The following WWOX variants were observed in gnomAD, a reference collection of about 807,000 sequenced individuals.
WWOX encodes the protein WW domain-containing oxidoreductase.
A neutral mutation model predicts 46.2 loss-of-function variants in WWOX; 69 were observed. The observed-to-expected ratio is 1.49, with a 90% CI of 1.23 to 1.82. The LOEUF (loss-of-function observed/expected upper bound fraction) is 1.82, where lower values mean the gene tolerates loss of function less well. WWOX is among the 40% of genes most tolerant of loss of function. The probability of loss-of-function intolerance (pLI) is 0.00; values close to 1 mark genes in which losing one functional copy is unlikely to be tolerated. For missense variants in WWOX, 919 were observed against 542.6 expected, an observed-to-expected ratio of 1.69 and a Z score of -6.89; for synonymous variants, 359 against 202.6, an observed-to-expected ratio of 1.77 and a Z score of -6.56.
intron 8 of WWOX, among the ~76,000 whole-genome samples, chr16:78,987,458 C>A (rs578152796): frequency 1.3e-5 from 2 of 152,158 alleles, no homozygotes; most frequent in African/African-American, 4.8e-5. Context: ...TTTTTTCTAG[C>A]AACTCTCGAG....
At chr16:78,821,552 C>T (rs543033244) in intron 8 of WWOX, among the ~76,000 whole-genome samples, 1 of 152,296 alleles carries the variant, frequency 6.6e-6, no homozygotes, top group South Asian at 2.1e-4. Flanking sequence ...CACCCATTCC[C>T]AACAGTGTCC....
At chr16:78,761,679 C>A (rs1359487808) in intron 8 of WWOX, among the ~76,000 whole-genome samples, 1 of 152,140 alleles carries the variant, frequency 6.6e-6, no homozygotes, top group Non-Finnish European at 1.5e-5. Context: ...ACAAGAAACA[C>A]TTAATACCTC....
intron 8 of WWOX, among the ~76,000 whole-genome samples, chr16:78,533,496 G>A (rs1000735528): frequency 6.6e-6 from 1 of 152,038 alleles, no homozygotes; most frequent in African/African-American, 2.4e-5. Flanking sequence ...AAGTTGTCCT[G>A]GGCCGCATGT....
intron 8 of WWOX, among the ~76,000 whole-genome samples, chr16:79,112,705 G>C (rs1362760222): frequency 3.3e-5 from 5 of 152,126 alleles, no homozygotes; most frequent in Non-Finnish European, 7.3e-5. Context: ...TTTATTCATA[G>C]TCGTAAAGTT....
intron 8 of WWOX, among the ~76,000 whole-genome samples, chr16:78,840,403 C>T (rs1391585445): frequency 6.6e-6 from 1 of 152,112 alleles, no homozygotes. Context: ...TTCAGTAGGC[C>T]CACAGTCAAT....
intron 4 of WWOX, among the ~76,000 whole-genome samples, chr16:78,117,385 C>G (rs1056868098): frequency 3.1e-4 from 47 of 152,046 alleles, no homozygotes; most frequent in Admixed American, 2.8e-3. Flanking sequence ...TCACCCCATT[C>G]CCCTCCACTC....
At chr16:78,481,538 C>T (rs973046899) in intron 8 of WWOX, among the ~76,000 whole-genome samples, 3 of 151,836 alleles carry the variant, frequency 2.0e-5, no homozygotes, top group South Asian at 2.1e-4. Flanking sequence ...AGTCATCCCT[C>T]ACCTCCCACC....
chr16:78,313,941 T>C (rs1420193357), intron 5 of WWOX, among the ~76,000 whole-genome samples: 1 of 152,148 alleles, frequency 6.6e-6, no homozygotes, highest in Non-Finnish European at 1.5e-5. Context: ...TTCCCTTATA[T>C]CCGTGCTGAC....
chr16:78,637,674 T>A (rs910943440), intron 8 of WWOX, among the ~76,000 whole-genome samples: 15 of 152,190 alleles, frequency 9.9e-5, no homozygotes, highest in Non-Finnish European at 1.6e-4. Flanking sequence ...TGCTCCTTGA[T>A]GAAGGGCTCA....
At chr16:78,533,431 A>T (rs8048195) in intron 8 of WWOX, among the ~76,000 whole-genome samples, 2 of 151,720 alleles carry the variant, frequency 1.3e-5, no homozygotes, top group African/African-American at 4.9e-5. Context: ...AAAAATCCCC[A>T]AAAAATCTCA....
chr16:78,998,173 G>T (rs1047001251), intron 8 of WWOX, among the ~76,000 whole-genome samples: 2 of 152,152 alleles, frequency 1.3e-5, no homozygotes, highest in African/African-American at 4.8e-5. Context: ...CATCGCGCCC[G>T]GCCTAGCCTC....
intron 5 of WWOX, among the ~76,000 whole-genome samples, chr16:78,381,459 C>G (rs762627907): frequency 2.0e-5 from 3 of 152,128 alleles, no homozygotes; most frequent in Non-Finnish European, 4.4e-5. Flanking sequence ...CTGGCTGAGC[C>G]CTGGATGTTG....
chr16:78,876,594 T>A (rs78319474), intron 8 of WWOX, among the ~76,000 whole-genome samples: 2 of 152,284 alleles, frequency 1.3e-5, no homozygotes, highest in East Asian at 3.9e-4. Flanking sequence ...GCTTTCGACT[T>A]ATTTTGCTTT....
intron 8 of WWOX, among the ~76,000 whole-genome samples, chr16:78,650,789 C>G (rs1318158709): frequency 1.3e-5 from 2 of 152,160 alleles, no homozygotes; most frequent in African/African-American, 2.4e-5. Context: ...TCCCACAAAT[C>G]TCAGCTGGCC....
chr16:78,969,050 C>A (rs1015772737), intron 8 of WWOX, among the ~76,000 whole-genome samples: 1 of 152,086 alleles, frequency 6.6e-6, no homozygotes, highest in African/African-American at 2.4e-5. Flanking sequence ...GCTCCAGTGG[C>A]CCTTGTCTTG....
At chr16:78,398,957 C>A (rs1462531615) in intron 6 of WWOX, among the ~76,000 whole-genome samples, 1 of 152,030 alleles carries the variant, frequency 6.6e-6, no homozygotes, top group East Asian at 1.9e-4. Flanking sequence ...GGGTGGCTGG[C>A]TGGCTAGGTG....
chr16:78,984,948 C>T (rs1010632357), intron 8 of WWOX, among the ~76,000 whole-genome samples: 1 of 152,028 alleles, frequency 6.6e-6, no homozygotes, highest in African/African-American at 2.4e-5. Flanking sequence ...ATTTCATTTG[C>T]CATGTTAAGA....
At chr16:78,953,380 G>T (rs746163212) in intron 8 of WWOX, among the ~76,000 whole-genome samples, 5 of 152,104 alleles carry the variant, frequency 3.3e-5, no homozygotes, top group African/African-American at 7.2e-5. Flanking sequence ...TATGCAAATG[G>T]ATGCTGCTAA....
chr16:79,205,648 G>A (rs2051485457), intron 8 of WWOX: 1 of 152,190 alleles, frequency 6.6e-6, no homozygotes, highest in Non-Finnish European at 1.5e-5. Context: ...AGAATAGCCT[G>A]TGAGTTAGCA....
Sources: allele counts gnomAD v4.1 joint callset (sites outside exome capture counted in the v4.1 genomes callset), GRCh38; gene constraint gnomAD v4.1.1; transcripts MANE v1.5; gene names NCBI Gene and HGNC (gene_info 2026-07-23, HGNC 2026-07-21).